Variants in CHAF1B observed in about 807,000 individuals in gnomAD.
CHAF1B encodes the protein CAF-1 subunit B.
A neutral mutation model predicts 60.7 loss-of-function variants in CHAF1B; 10 were observed. That is an observed-to-expected ratio of 0.16 (90% CI 0.10 to 0.28). The LOEUF (loss-of-function observed/expected upper bound fraction) is 0.28. CHAF1B is among the 10% of genes least tolerant of loss of function. CHAF1B has a pLI of 1.00. For synonymous variants in CHAF1B, 261 were observed against 266.1 expected (o/e 0.98, Z 0.19); for missense variants, 558 against 708.4 (o/e 0.79, Z 2.41).
chr21:36,401,338 TTTATA>T (rs1202238126), intron 7 of CHAF1B, among the ~76,000 whole-genome samples: 2 of 142,924 alleles, frequency 1.4e-5, no homozygotes, highest in African/African-American at 2.6e-5. Context: ...ATGTTATATA[TTTATA>T]TTATATATAA....
intron 10 of CHAF1B, among the ~76,000 whole-genome samples, chr21:36,410,935 A>G (rs1226186081): frequency 6.6e-6 from 1 of 152,050 alleles, no homozygotes; most frequent in African/African-American, 2.4e-5. Flanking sequence ...CTTCTTAAGC[A>G]TATAGAGTGC....
In CHAF1B at chr21:36,411,645, G is replaced by T. The variant is rs184991974; in HGVS notation, c.1061+41G>T. Reference sequence around the variant, plus strand: ...TGAGGGAGAGTGAGTGAAGGAGACCGTGGCTGTATCCTGGAAGACACCCCG... The same window carrying T: ...TGAGGGAGAGTGAGTGAAGGAGACCTTGGCTGTATCCTGGAAGACACCCCG... On this transcript the variant is annotated intron_variant, in intron 11 of 13. Coordinates refer to ENST00000314103, the MANE Select transcript of CHAF1B (RefSeq NM_005441.3). 1.9e-6 allele frequency: 3 copies of T among 1,609,012 alleles called. No individual in the cohort carries two copies. The Admixed American group carries it at 5.0e-5, about 27-fold the overall frequency.
At chr21:36,387,219 G>T (rs2086041857) in intron 2 of CHAF1B, among the ~76,000 whole-genome samples, 2 of 141,380 alleles carry the variant, frequency 1.4e-5, no homozygotes, top group Non-Finnish European at 3.0e-5. Flanking sequence ...AATAAGCATA[G>T]TTTTGTTTTT....
intron 11 of CHAF1B, among the ~76,000 whole-genome samples, chr21:36,412,136 GC>G (rs1344224093): frequency 6.6e-6 from 1 of 152,234 alleles, no homozygotes; most frequent in Non-Finnish European, 1.5e-5. Flanking sequence ...CATTCAGATT[GC>G]CTTGTGGGGT....
intron 11 of CHAF1B, 45 bp downstream of exon 11, chr21:36,411,649 C>A (rs2086279041): frequency 6.2e-7 from 1 of 1,607,020 alleles, no homozygotes; most frequent in East Asian, 2.2e-5. Flanking sequence ...GAGACCGTGG[C>A]TGTATCCTGG....
chr21:36,411,116 C>T (rs564244804), intron 10 of CHAF1B, among the ~76,000 whole-genome samples: 1 of 126,786 alleles, frequency 7.9e-6, no homozygotes. Flanking sequence ...TATAAATATT[C>T]TTTTTTTTTT....
intron 4 of CHAF1B, among the ~76,000 whole-genome samples, chr21:36,393,984 C>G (rs1325866372): frequency 6.6e-6 from 1 of 152,024 alleles, no homozygotes; most frequent in Non-Finnish European, 1.5e-5. Context: ...ACTGCAATCT[C>G]TGCCTGCTGG....
chr21:36,398,993 G>A (rs550193206), intron 6 of CHAF1B, among the ~76,000 whole-genome samples: 1 of 151,188 alleles, frequency 6.6e-6, no homozygotes, highest in South Asian at 2.1e-4. Flanking sequence ...ACAGTCATCA[G>A]TAAAACAATC....
chr21:36,395,547 G>C (rs944403343), intron 5 of CHAF1B, among the ~76,000 whole-genome samples: 3 of 152,156 alleles, frequency 2.0e-5, no homozygotes, highest in Admixed American at 2.0e-4. Flanking sequence ...TGACAGGCCC[G>C]GGCCCTGCCT....
At chr21:36,401,152 A>G (rs2086184523) in intron 7 of CHAF1B, among the ~76,000 whole-genome samples, 1 of 151,842 alleles carries the variant, frequency 6.6e-6, no homozygotes, top group Admixed American at 6.6e-5. Flanking sequence ...CTGTAGTCCC[A>G]GCTACTCCGG....
At position 36,416,633 on chromosome 21, in the gene CHAF1B, A is replaced by T. The variant is rs2086322282; in HGVS notation, c.*267A>T. The T allele has an allele frequency of 9.8e-6, 3 of 307,526 alleles. No homozygotes were observed. Among genetic ancestry groups the T allele is most frequent in the Non-Finnish European group, 1.8e-5 (3 of 165,670 alleles). The allele number at this position is 307,526 out of a possible 1,614,324, so 19.0% of individuals were successfully genotyped here. A position where few individuals can be genotyped will look rare whatever the true frequency, so the allele number is the denominator to read the frequency against. On this transcript the variant is annotated 3_prime_UTR_variant, in exon 14 of 14. Transcript: ENST00000314103. ...TCTGAAACTGGAGCGGTTCAACGTTATCCAGTGTGAAAATCAGTGAGTCCT... is the reference window on the plus strand; with the variant it reads ...TCTGAAACTGGAGCGGTTCAACGTTTTCCAGTGTGAAAATCAGTGAGTCCT...
rs370681660 is a variant in CHAF1B, at chr21:36,387,717, A to G, written c.246A>G (p.Ala82=). 6 of 1,613,934 alleles carry G rather than the reference A, an allele frequency of 3.7e-6. No homozygotes were observed. The Admixed American group carries it at 8.3e-5, about 22-fold the overall frequency. Residue 82 remains alanine, a synonymous_variant, in exon 3 of 14, where the codon GCA becomes GCG. Transcript: ENST00000314103. ...VRFSPTGEIL[A]SGGDDAVILL... ...TTTCTCCAACTGGGGAAATTTTAGC[A>G]TCGGGAGGAGATGGTGAGTATTGCT...
In CHAF1B at chr21:36,408,804, T is replaced by C. The variant is rs752356201; in HGVS notation, c.801T>C (p.Tyr267=). ...GTGAAAATGTAATGAATACCACTTATGTTTTCTCCAGGAAGAATCTTAAAA... is the reference window on the plus strand; with the variant it reads ...GTGAAAATGTAATGAATACCACTTACGTTTTCTCCAGGAAGAATCTTAAAA... ...ESGENVMNTT[Y]VFSRKNLKRP... Residue 267 remains tyrosine (Y), a synonymous_variant, in exon 9 of 14, where the codon TAT becomes TAC. Coordinates refer to ENST00000314103, the MANE Select transcript of CHAF1B (RefSeq NM_005441.3). The C allele has an allele frequency of 5.6e-6, 9 of 1,608,944 alleles. No homozygotes were observed. Among genetic ancestry groups the C allele is most frequent in the East Asian group, 2.2e-5 (1 of 44,858 alleles).
Position 36,394,772 on chromosome 21 carries a change from C to T in CHAF1B, c.481+122C>T. 6.5e-6 allele frequency: 4 copies of T among 616,512 alleles called. No individual in the cohort carries two copies. In the Middle Eastern group the frequency reaches 1.3e-3, roughly 200 times the overall value. The allele number at this position is 616,512 out of a possible 1,614,324, so 38.2% of individuals were successfully genotyped here. A position where few individuals can be genotyped will look rare whatever the true frequency, so the allele number is the denominator to read the frequency against. Reference sequence around the variant, plus strand: ...TTTGAGACAGGATCTCACTCTGCCGCCCAGGCTGGAGTGCAGTGGTGCGAT... The same window carrying T: ...TTTGAGACAGGATCTCACTCTGCCGTCCAGGCTGGAGTGCAGTGGTGCGAT... On this transcript the variant is annotated intron_variant, in intron 5 of 13. Transcript: ENST00000314103.
chr21:36,411,428 T>C (rs2086277270), intron 10 of CHAF1B, 35 bp from the exon 11 acceptor site: 2 of 1,611,188 alleles, frequency 1.2e-6, no homozygotes, highest in Non-Finnish European at 8.5e-7. Flanking sequence ...GCCTTGTTTC[T>C]GTGGTTTTAC....
chr21:36,389,971 A>G (rs1266552811), intron 3 of CHAF1B, among the ~76,000 whole-genome samples: 1 of 152,076 alleles, frequency 6.6e-6, no homozygotes, highest in Non-Finnish European at 1.5e-5. Flanking sequence ...GTGTTCATCC[A>G]TCAGGGCCAA....
chr21:36,409,019 T>C (rs2086257667), intron 9 of CHAF1B, among the ~76,000 whole-genome samples, 189 bp downstream of exon 9: 1 of 152,108 alleles, frequency 6.6e-6, no homozygotes, highest in African/African-American at 2.4e-5. Context: ...CACTCCTAGT[T>C]AATTTTTGTA....
rs1182408514 is a variant in CHAF1B at position 36,394,732 on chromosome 21, T to A, written c.481+82T>A. 15 of 328,924 alleles carry A rather than the reference T, an allele frequency of 4.6e-5. No individual in the cohort carries two copies. In the East Asian group the frequency reaches 5.9e-4, roughly 13 times the overall value. 20.4% of individuals were successfully genotyped at this position (328,924 alleles called of 1,614,324 possible). On this transcript the variant is annotated intron_variant, in intron 5 of 13. Transcript: ENST00000314103. ...CCTAAAAGTCTAACTTGCTTTAACT[T>A]TTTTTTTTTTTTTTTTTGAGACAGG...
Position 36,399,501 on chromosome 21 carries a change from C to T in CHAF1B, c.579-20C>T, listed in dbSNP as rs548768762. 1 of 1,605,068 alleles carries T rather than the reference C, an allele frequency of 6.2e-7. No individual in the cohort carries two copies. Among genetic ancestry groups the T allele is most frequent in the Non-Finnish European group, 8.5e-7 (1 of 1,173,282 alleles). On this transcript the variant is annotated intron_variant, in intron 6 of 13. Transcript: ENST00000314103. ...AATTCATTTACTAGAAGTGGTAAAT[C>T]AGACATGTTCTTTCTTCAGGGTGCT...
Sources: gnomAD v4.1 joint callset for allele counts (sites outside exome capture counted in the v4.1 genomes callset) on GRCh38, gnomAD v4.1.1 for gene constraint, MANE v1.5 for transcripts, NCBI Gene and HGNC (gene_info 2026-07-23, HGNC 2026-07-21) for gene names.